Variants in CAMK4 observed in about 807,000 individuals in gnomAD.
CAMK4 encodes calcium/calmodulin-dependent protein kinase type IV.
CAMK4 carries 22 observed loss-of-function variants against 44.9 expected under a neutral mutation model. The observed-to-expected ratio is 0.49, with a 90% CI of 0.35 to 0.70. CAMK4 has a LOEUF of 0.70. Ranked by LOEUF, CAMK4 falls within the 30% of genes least tolerant of loss-of-function variation. The pLI is 0.01. For synonymous variants in CAMK4, 218 were observed against 215.4 expected (o/e 1.01, Z -0.11); for missense variants, 498 against 586.8 (o/e 0.85, Z 1.56).
At chr5:111,449,508 T>A (rs1189335916) in intron 7 of CAMK4, 1 of 194,998 alleles carries the variant, frequency 5.1e-6, no homozygotes. Context: ...TCGTTTATAG[T>A]TGGAATTAAA....
At chr5:111,424,004 G>T (rs1018188536) in intron 5 of CAMK4, among the ~76,000 whole-genome samples, 3 of 152,142 alleles carry the variant, frequency 2.0e-5, no homozygotes, top group Non-Finnish European at 4.4e-5. Flanking sequence ...TCACACAGCT[G>T]GTCCATGGAC....
chr5:111,448,588 G>A lies in CAMK4; in HGVS notation c.551-541G>A, dbSNP rs141978492. On this transcript the variant is annotated intron_variant, in intron 6 of 10. Coordinates refer to ENST00000282356, the MANE Select transcript of CAMK4 (RefSeq NM_001744.6). ...TTTGGGACTGAGGTGGGTGGATCAC[G>A]AGGTCAGGAGATCGAGACCATCCTG... Among the ~76,000 whole-genome samples, 18 of 152,278 alleles carry A rather than the reference G, an allele frequency of 1.2e-4. No individual in the cohort carries two copies. In the South Asian group the frequency reaches 1.2e-3, roughly 11 times the overall value.
At chr5:111,397,121 C>T (rs1240686755) in intron 5 of CAMK4, among the ~76,000 whole-genome samples, 2 of 152,210 alleles carry the variant, frequency 1.3e-5, no homozygotes, top group Admixed American at 6.5e-5. Context: ...CCATAGCCCA[C>T]TATCACTTTA....
intron 1 of CAMK4, among the ~76,000 whole-genome samples, chr5:111,256,819 T>C (rs1035096437): frequency 6.6e-6 from 1 of 152,194 alleles, no homozygotes; most frequent in Admixed American, 6.5e-5. Context: ...AAAGTGATAT[T>C]CATTGCTCAC....
intron 6 of CAMK4, among the ~76,000 whole-genome samples, chr5:111,447,523 A>G (rs1178695119): frequency 6.6e-6 from 1 of 152,230 alleles, no homozygotes; most frequent in Admixed American, 6.5e-5. Context: ...GGAAATTCTG[A>G]TCTACCCAAA....
chr5:111,287,461 G>C (rs1198807542), intron 1 of CAMK4, among the ~76,000 whole-genome samples: 4 of 152,128 alleles, frequency 2.6e-5, no homozygotes, highest in South Asian at 2.1e-4. Flanking sequence ...GAAAAATTTA[G>C]ATTTCATTTA....
At chr5:111,481,707 A>G (rs1755440595) in intron 9 of CAMK4, among the ~76,000 whole-genome samples, 1 of 152,152 alleles carries the variant, frequency 6.6e-6, no homozygotes, top group Non-Finnish European at 1.5e-5. Flanking sequence ...TCTGACATAC[A>G]CAGACCTGAG....
intron 4 of CAMK4, among the ~76,000 whole-genome samples, chr5:111,378,248 A>G (rs1580673862): frequency 6.6e-6 from 1 of 152,154 alleles, no homozygotes; most frequent in South Asian, 2.1e-4. Context: ...CCAGACACAA[A>G]ATCTTCTGGT....
intron 5 of CAMK4, among the ~76,000 whole-genome samples, chr5:111,408,713 AT>A (rs1651997514): frequency 6.6e-6 from 1 of 152,224 alleles, no homozygotes; most frequent in African/African-American, 2.4e-5. Flanking sequence ...CCTTCTGCCT[AT>A]GAGGCTATAA....
In CAMK4 at chr5:111,224,572, C is replaced by G. The variant is rs1406556113; in HGVS notation, c.89C>G (p.Pro30Arg). The G allele has an allele frequency of 4.3e-6, 7 of 1,612,384 alleles. No homozygotes were observed. The highest frequency in any genetic ancestry group is 1.7e-5 in the Admixed American group (1 of 59,954). ...SAAPGTASLVPDYWIDGSNRD... is the reference protein window; with the variant it reads ...SAAPGTASLVRDYWIDGSNRD... ...GCCCCGGGGACCGCGAGCCTCGTCC[C>G]GGATTACTGGATCGACGGCTCCAAC... The change falls in exon 1 of 11, where the codon CCG (proline) becomes CGG (arginine). Residue 30 changes from proline (P) to arginine (R), a missense_variant. Pro to Arg is a moderately radical substitution (Grantham distance 103, BLOSUM62 -2). Around this residue, in one of 3 missense-constraint regions of CAMK4, gnomAD observed 152 missense variants for 143.7 expected, o/e 1.06. Transcript: ENST00000282356. This position sits in a 1 kb window ranked among gnomAD's most constrained non-coding sequence, Gnocchi z 5.7.
intron 1 of CAMK4, among the ~76,000 whole-genome samples, chr5:111,335,078 C>T (rs1749340849): frequency 6.6e-6 from 1 of 151,460 alleles, no homozygotes; most frequent in Non-Finnish European, 1.5e-5. Flanking sequence ...GTCAGCAGTA[C>T]TTCCAGACTT....
At chr5:111,355,035 C>A (rs1322916605) in intron 2 of CAMK4, among the ~76,000 whole-genome samples, 1 of 152,094 alleles carries the variant, frequency 6.6e-6, no homozygotes, top group African/African-American at 2.4e-5. Context: ...CTTTTAACTT[C>A]TTACTGATGT....
At chr5:111,371,087 T>C (rs995720275) in intron 2 of CAMK4, among the ~76,000 whole-genome samples, 1 of 152,146 alleles carries the variant, frequency 6.6e-6, no homozygotes, top group Non-Finnish European at 1.5e-5. Flanking sequence ...TTTTACAAAA[T>C]GTATGCTTTT....
intron 2 of CAMK4, among the ~76,000 whole-genome samples, chr5:111,362,489 A>G (rs1344672866): frequency 6.6e-6 from 1 of 152,066 alleles, no homozygotes; most frequent in Non-Finnish European, 1.5e-5. Flanking sequence ...ATGTAAAAAG[A>G]AGTATACATA....
chr5:111,456,679 A>G (rs1174356512), intron 7 of CAMK4, among the ~76,000 whole-genome samples: 1 of 151,624 alleles, frequency 6.6e-6, no homozygotes, highest in East Asian at 1.9e-4. Context: ...AAAAAAAGGT[A>G]GAGAAAAGAA....
At chr5:111,232,551 G>C (rs1250218884) in intron 1 of CAMK4, among the ~76,000 whole-genome samples, 1 of 152,114 alleles carries the variant, frequency 6.6e-6, no homozygotes, top group Non-Finnish European at 1.5e-5. Context: ...AGGGTAAGTT[G>C]ATGTCAGACC....
At chr5:111,343,372 A>G (rs116781202) in intron 1 of CAMK4, among the ~76,000 whole-genome samples, 1 of 151,580 alleles carries the variant, frequency 6.6e-6, no homozygotes, top group Non-Finnish European at 1.5e-5. Context: ...TTTGGTCTAT[A>G]TTTCTCTTTT....
At chr5:111,396,628 A>ATTTTTTTTTTT (rs1210775733) in intron 5 of CAMK4, among the ~76,000 whole-genome samples, 6 of 41,294 alleles carry the variant, frequency 1.5e-4, no homozygotes, top group African/African-American at 2.1e-4. Flanking sequence ...ATTAACTCAT[A>ATTTTTTTTTTT]TTCTTTTTTT....
rs73786867 is a variant in CAMK4 at position 111,279,357 on chromosome 5, C to G, written c.161+54713C>G. ...GATGAGCTCTGTCATCATAGCAACA[C>G]TGGGACCCTTCTGCAGATCTCAGCT... On this transcript the variant is annotated intron_variant, in intron 1 of 10. Coordinates refer to ENST00000282356, the MANE Select transcript of CAMK4 (RefSeq NM_001744.6). Among the ~76,000 whole-genome samples, 1,230 of 152,250 alleles carry G rather than the reference C, an allele frequency of 8.1e-3. 16 individuals are homozygous for G. The highest frequency in any genetic ancestry group is 0.028 in the African/African-American group (1,164 of 41,544).
Sources: allele counts gnomAD v4.1 joint callset (sites outside exome capture counted in the v4.1 genomes callset), GRCh38; gene constraint gnomAD v4.1.1; regional missense constraint gnomAD v4.1.1; non-coding constraint Gnocchi (gnomAD v3.1); transcripts MANE v1.5; gene names NCBI Gene and HGNC (gene_info 2026-07-23, HGNC 2026-07-21).